CCL7: variants seen among roughly 807,000 people sequenced by gnomAD.
CCL7 encodes C-C motif chemokine ligand 7.
CCL7 carries 8 observed loss-of-function variants against 7.1 expected under a neutral mutation model. The ratio of observed to expected loss-of-function variants is 1.13; its 90% CI spans 0.66 to 2.04. The LOEUF is 2.04. Among genes scored for constraint, CCL7 ranks in the 30% most tolerant of loss-of-function variants. The pLI is 0.00. For missense variants in CCL7, 134 were observed against 113.6 expected, an observed-to-expected ratio of 1.18 and a Z score of -0.82; for synonymous variants, 46 against 41.2, an observed-to-expected ratio of 1.12 and a Z score of -0.45.
chr17:34,270,736 T>G (rs1033467237), intron 1 of CCL7, among the ~76,000 whole-genome samples: 2 of 152,176 alleles, frequency 1.3e-5, no homozygotes, highest in African/African-American at 4.8e-5. Context: ...ATCTGGTCTG[T>G]GGAAGCCCAG....
At chr17:34,271,602 G>A (rs1279923582) in intron 2 of CCL7, 95 bp from the exon 3 acceptor site, 1 of 777,428 alleles carries the variant, frequency 1.3e-6, no homozygotes, top group East Asian at 2.6e-5. Flanking sequence ...CATCAGCTAG[G>A]CTGATGGGCT....
intron 1 of CCL7, 128 bp downstream of exon 1, chr17:34,270,494 A>T: frequency 4.0e-6 from 3 of 751,566 alleles, no homozygotes; most frequent in Non-Finnish European, 6.5e-6. Context: ...GGTAACTTAG[A>T]AAAAGGATAA....
rs1908194163 is a variant in CCL7 at position 34,272,021 on chromosome 17, C to G, written c.*219C>G. 2 of 449,542 alleles carry G rather than the reference C, an allele frequency of 4.4e-6. No homozygotes were observed. Among genetic ancestry groups the G allele is most frequent in the Non-Finnish European group, 7.8e-6 (2 of 255,634 alleles). 27.8% of individuals were successfully genotyped at this position (449,542 alleles called of 1,614,324 possible). A position where few individuals can be genotyped will look rare whatever the true frequency, so the allele number is the denominator to read the frequency against. On this transcript the variant is annotated 3_prime_UTR_variant, in exon 3 of 3. Coordinates refer to ENST00000378569, the MANE Select transcript of CCL7 (RefSeq NM_006273.4). ...ATTTTGGTGGGTTTTGAACATAAAG[C>G]CTTGGATGTATATGTCATCTCAGTG...
At chr17:34,271,583 A>T (rs548771041) in intron 2 of CCL7, 114 bp from the exon 3 acceptor site, 1 of 684,376 alleles carries the variant, frequency 1.5e-6, no homozygotes, top group Non-Finnish European at 2.5e-6. Flanking sequence ...TTCATCCCTG[A>T]GGCATCCCCA....
At position 34,270,378 on chromosome 17, in the gene CCL7, C is replaced by T. The variant is rs760158127; in HGVS notation, c.76+12C>T. ...GCTTGCTCAGCCAGGTAAGGTCCCT[C>T]TCTCCTTCTCCTTGAAGCACATTGC... is the stretch of plus-strand genomic sequence containing the variant. On this transcript the variant is annotated intron_variant, in intron 1 of 2. Transcript: ENST00000378569. 6 of 1,612,198 alleles carry T rather than the reference C, an allele frequency of 3.7e-6. No homozygotes were observed. Among genetic ancestry groups the T allele is most frequent in the South Asian group, 1.1e-5 (1 of 91,052 alleles).
intron 1 of CCL7, 89 bp from the exon 2 acceptor site, chr17:34,271,057 A>C: frequency 1.3e-6 from 2 of 1,587,856 alleles, no homozygotes; most frequent in Non-Finnish European, 1.7e-6. Context: ...TTTCTTTCTG[A>C]TTCCTTCTTC....
chr17:34,271,898 C>A lies in CCL7; in HGVS notation c.*96C>A. 1.4e-6 allele frequency: 1 copy of A among 726,400 alleles called. No individual in the cohort carries two copies. The highest frequency in any genetic ancestry group is 2.3e-6 in the Non-Finnish European group (1 of 427,596). 45.0% of individuals were successfully genotyped at this position (726,400 alleles called of 1,614,324 possible). A position where few individuals can be genotyped will look rare whatever the true frequency, so the allele number is the denominator to read the frequency against. On this transcript the variant is annotated 3_prime_UTR_variant, in exon 3 of 3. Coordinates refer to ENST00000378569, the MANE Select transcript of CCL7 (RefSeq NM_006273.4). ...AGAGTGGTTCTGAGATTATTTTAAT[C>A]TAATTCTAAGGAATATGAGCTTTAT...
chr17:34,271,288 C>T (rs747131979), intron 2 of CCL7, 25 bp downstream of exon 2: 1 of 1,583,926 alleles, frequency 6.3e-7, no homozygotes, highest in South Asian at 1.1e-5. Flanking sequence ...ACCACCCACC[C>T]CTCACACCTC....
chr17:34,271,548 C>A, intron 2 of CCL7, 149 bp from the exon 3 acceptor site: 1 of 595,730 alleles, frequency 1.7e-6, no homozygotes, highest in Non-Finnish European at 2.9e-6. Flanking sequence ...TCTCTGAGTC[C>A]CCTTCCTTTG....
chr17:34,271,250 C>T lies in CCL7; in HGVS notation c.181C>T (p.Arg61Trp), dbSNP rs149253093. The change falls in exon 2 of 3, where the codon CGG becomes TGG. Residue 61 changes from arginine (R) to tryptophan (W), a missense_variant. Coordinates refer to ENST00000378569, the MANE Select transcript of CCL7 (RefSeq NM_006273.4). ...AAGGACCACCAGTAGCCACTGTCCC[C>T]GGGAAGCTGTAATGTATGTGGACGA... The part of the protein sequence containing the change: ...YRRTTSSHCP[R>W]EAVIFKTKLD... The T allele has an allele frequency of 5.0e-6, 8 of 1,613,692 alleles. No individual in the cohort carries two copies. Among genetic ancestry groups the T allele is most frequent in the African/African-American group, 4.0e-5 (3 of 74,886 alleles).
At chr17:34,271,659 A>C (rs1377769601) in intron 2 of CCL7, 38 bp from the exon 3 acceptor site, 3 of 1,364,698 alleles carry the variant, frequency 2.2e-6, no homozygotes, top group Non-Finnish European at 3.1e-6. Context: ...CTGAACCCTC[A>C]AGGTGTTCCA....
At position 34,270,290 on chromosome 17, in the gene CCL7, C is replaced by A. The variant is rs771528248; in HGVS notation, c.-1C>A. ...GGAAGCCCATGCCCTCACCCTCCAA[C>A]ATGAAAGCCTCTGCAGCACTTCTGT... On this transcript the variant is annotated 5_prime_UTR_variant, in exon 1 of 3. Transcript: ENST00000378569. The A allele has an allele frequency of 6.2e-7, 1 of 1,614,206 alleles. No individual in the cohort carries two copies. The highest frequency in any genetic ancestry group is 8.5e-7 in the Non-Finnish European group (1 of 1,180,016).
Position 34,270,331 on chromosome 17 carries a change from C to T in CCL7, c.41C>T (p.Ala14Val), listed in dbSNP as rs1161554145. The change falls in exon 1 of 3, where the codon GCA becomes GTA. Residue 14 changes from alanine to valine, a missense_variant. Coordinates refer to ENST00000378569, the MANE Select transcript of CCL7 (RefSeq NM_006273.4). Reference sequence around the variant, plus strand: ...GCACTTCTGTGTCTGCTGCTCACAGCAGCTGCTTTCAGCCCCCAGGGGCTT... The same window carrying T: ...GCACTTCTGTGTCTGCTGCTCACAGTAGCTGCTTTCAGCCCCCAGGGGCTT... Reference protein sequence around the residue: ...SAALLCLLLTAAAFSPQGLAQ... With the variant: ...SAALLCLLLTVAAFSPQGLAQ... 6.2e-7 allele frequency: 1 copy of T among 1,614,208 alleles called. No homozygotes were observed.
Position 34,271,757 on chromosome 17 carries a change from CT to C in CCL7, c.258del (p.Phe86LeufsTer2), listed in dbSNP as rs751045310. The C allele has an allele frequency of 6.2e-7, 1 of 1,613,290 alleles. No individual in the cohort carries two copies. The highest frequency in any genetic ancestry group is 8.5e-7 in the Non-Finnish European group (1 of 1,179,660). The part of the protein sequence containing the change: ...ADPTQKWVQD[F>X]MKHLDKKTQT... ...ACCCCACACAGAAGTGGGTCCAGGA[CT>C]TTATGAAGCACCTGGACAAGAAAAC... On this transcript the variant is annotated frameshift_variant, in exon 3 of 3. Transcript: ENST00000378569. LOFTEE classifies it low-confidence loss of function (END_TRUNC).
intron 1 of CCL7, 93 bp from the exon 2 acceptor site, chr17:34,271,053 T>C: frequency 6.3e-7 from 1 of 1,586,632 alleles, no homozygotes; most frequent in Non-Finnish European, 8.6e-7. Flanking sequence ...TTCCTTTCTT[T>C]CTGATTCCTT....
rs1339558086 is a variant in CCL7 at position 34,272,141 on chromosome 17, T to A, written c.*339T>A. On this transcript the variant is annotated 3_prime_UTR_variant, in exon 3 of 3. Coordinates refer to ENST00000378569, the MANE Select transcript of CCL7 (RefSeq NM_006273.4). Reference sequence around the variant, plus strand: ...CAGTGCAAAGATTTGCTTTAATTGTTAAGATATGATGTCCCTATGGAAGCA... The same window carrying A: ...CAGTGCAAAGATTTGCTTTAATTGTAAAGATATGATGTCCCTATGGAAGCA... 1 of 192,282 alleles carries A rather than the reference T, an allele frequency of 5.2e-6. No individual in the cohort carries two copies. The highest frequency in any genetic ancestry group is 2.4e-5 in the African/African-American group (1 of 42,070). The allele number at this position is 192,282 out of a possible 1,614,324, so 11.9% of individuals were successfully genotyped here.
chr17:34,270,275 G>A lies in CCL7; in HGVS notation c.-16G>A. The A allele has an allele frequency of 6.2e-7, 1 of 1,613,896 alleles. No homozygotes were observed. Among genetic ancestry groups the A allele is most frequent in the Non-Finnish European group, 8.5e-7 (1 of 1,179,774 alleles). On this transcript the variant is annotated 5_prime_UTR_variant, in exon 1 of 3. An upstream start codon of the reference 5' UTR is lost. Transcript: ENST00000378569. ...CTCCAATTCTCATGTGGAAGCCCAT[G>A]CCCTCACCCTCCAACATGAAAGCCT...
Position 34,271,973 on chromosome 17 carries a change from T to C in CCL7, c.*171T>C. On this transcript the variant is annotated 3_prime_UTR_variant, in exon 3 of 3. Transcript: ENST00000378569. ...CTTAGTAGATTTTAAAAGTTATTAA[T>C]ATTTTAATTTAATCTTCCATGGATT... 1 of 536,136 alleles carries C rather than the reference T, an allele frequency of 1.9e-6. No homozygotes were observed. Among genetic ancestry groups the C allele is most frequent in the Non-Finnish European group, 3.2e-6 (1 of 308,262 alleles). 33.2% of individuals were successfully genotyped at this position (536,136 alleles called of 1,614,324 possible).
rs772242338 is a variant in CCL7, at chr17:34,271,170, G to A, written c.101G>A (p.Cys34Tyr). ...QPVGINTSTTCCYRFINKKIP... is the reference protein window; with the variant it reads ...QPVGINTSTTYCYRFINKKIP... The stretch of plus-strand genomic sequence containing the variant: ...GTTGGGATTAATACTTCAACTACCT[G>A]CTGCTACAGATTTATCAATAAGAAA... The change falls in exon 2 of 3, where the codon TGC becomes TAC. Residue 34 changes from cysteine (C) to tyrosine (Y), a missense_variant. Physicochemically the swap from Cys to Tyr is radical, Grantham distance 194. Transcript: ENST00000378569. 7 of 1,613,968 alleles carry A rather than the reference G, an allele frequency of 4.3e-6. No individual in the cohort carries two copies. The South Asian group carries it at 5.5e-5, about 13-fold the overall frequency.
Sources: allele counts gnomAD v4.1 joint callset (sites outside exome capture counted in the v4.1 genomes callset), GRCh38; gene constraint gnomAD v4.1.1; transcripts MANE v1.5; gene names NCBI Gene and HGNC (gene_info 2026-07-23, HGNC 2026-07-21).